ENTPD1: variants seen among roughly 807,000 people sequenced by gnomAD.
ENTPD1 encodes ectonucleoside triphosphate diphosphohydrolase 1, also known as ATP diphosphohydrolase.
Under a neutral mutation model 57.0 loss-of-function variants are expected in ENTPD1, and 33 were observed. The ratio of observed to expected loss-of-function variants is 0.58; its 90% CI spans 0.44 to 0.77. The LOEUF is 0.77. Ranked by LOEUF, ENTPD1 falls within the 30% of genes least tolerant of loss-of-function variation. ENTPD1 has a pLI of 0.00. For synonymous variants in ENTPD1, 202 were observed against 218.8 expected (o/e 0.92, Z 0.68); for missense variants, 501 against 603.4 (o/e 0.83, Z 1.78).
At chr10:95,748,834 AAGTTG>A (rs2098008804) in intron 1 of ENTPD1, among the ~76,000 whole-genome samples, 1 of 152,124 alleles carries the variant, frequency 6.6e-6, no homozygotes, top group African/African-American at 2.4e-5. Context: ...TTTGTTCAAG[AAGTTG>A]AGTTGTTTTA....
In ENTPD1 at chr10:95,871,169, T is replaced by C; in HGVS notation, c.*4786T>C. ...AACAGTGGGAGGAATGGCAAAGTCA[T>C]ATGGCCAAGGCCATGAGTGATTAAT... On this transcript the variant is annotated 3_prime_UTR_variant, in exon 10 of 10. Coordinates refer to ENST00000371205, the MANE Select transcript of ENTPD1 (RefSeq NM_001776.6). The C allele has an allele frequency of 1.0e-6, 1 of 985,452 alleles. No homozygotes were observed. Among genetic ancestry groups the C allele is most frequent in the Non-Finnish European group, 1.2e-6 (1 of 829,924 alleles). The allele number at this position is 985,452 out of a possible 1,614,324, so 61.0% of individuals were successfully genotyped here.
chr10:95,760,910 A>G (rs1407938624), intron 1 of ENTPD1, among the ~76,000 whole-genome samples: 2 of 135,390 alleles, frequency 1.5e-5, no homozygotes, highest in Admixed American at 8.9e-5. Context: ...GCTCACTGCA[A>G]GCTCCGCCTC....
intron 7 of ENTPD1, 41 bp from the exon 8 acceptor site, chr10:95,860,428 C>G (rs2098463423): frequency 6.4e-7 from 1 of 1,554,910 alleles, no homozygotes; most frequent in South Asian, 1.1e-5. Flanking sequence ...TGGCATCCCT[C>G]TGTGTGGAAC....
chr10:95,855,598 T>C (rs1366040893), intron 7 of ENTPD1, among the ~76,000 whole-genome samples: 1 of 152,198 alleles, frequency 6.6e-6, no homozygotes, highest in Non-Finnish European at 1.5e-5. Context: ...CCATGTTTAG[T>C]GCTTCCTTCA....
At chr10:95,858,607 T>C (rs1369288430) in intron 7 of ENTPD1, among the ~76,000 whole-genome samples, 4 of 151,708 alleles carry the variant, frequency 2.6e-5, no homozygotes, top group African/African-American at 4.9e-5. Flanking sequence ...AGGGCAGAAA[T>C]AGGACCATAC....
intron 1 of ENTPD1, among the ~76,000 whole-genome samples, chr10:95,775,328 T>G (rs532828840): frequency 6.6e-6 from 1 of 152,296 alleles, no homozygotes; most frequent in African/African-American, 2.4e-5. Context: ...TTTCTTTCTC[T>G]TGCCTGATTG....
chr10:95,785,575 T>C (rs1001677298), intron 1 of ENTPD1, among the ~76,000 whole-genome samples: 2 of 152,232 alleles, frequency 1.3e-5, no homozygotes, highest in Non-Finnish European at 2.9e-5. Context: ...AGAAACCATC[T>C]GTGGTAACTT....
At chr10:95,846,654 G>T (rs74847453) in intron 6 of ENTPD1, among the ~76,000 whole-genome samples, 4,068 of 152,208 alleles carry the variant, frequency 0.027, 78 homozygotes, top group South Asian at 0.08. Context: ...CTTATCCACA[G>T]CAGCCTCCTT....
At chr10:95,703,655 G>A in the ENTPD1 span, among the ~76,000 whole-genome samples, 2 of 151,890 alleles carry the variant, frequency 1.3e-5, no homozygotes, top group South Asian at 4.2e-4. Flanking sequence ...GGTGGCAGGC[G>A]CCTGTAATCC....
intron 2 of ENTPD1, chr10:95,833,690 C>G (rs1160112083): frequency 1.3e-5 from 2 of 152,558 alleles, no homozygotes; most frequent in South Asian, 1.9e-4. Context: ...ATATAAAGAA[C>G]AGAAATTACT....
intron 2 of ENTPD1, among the ~76,000 whole-genome samples, chr10:95,830,943 C>A (rs2098394742): frequency 6.6e-6 from 1 of 152,150 alleles, no homozygotes; most frequent in African/African-American, 2.4e-5. Flanking sequence ...CCCAAGATTC[C>A]TTTTGGCTGG....
intron 2 of ENTPD1, among the ~76,000 whole-genome samples, chr10:95,832,844 A>C (rs1262305520): frequency 6.6e-6 from 1 of 152,218 alleles, no homozygotes; most frequent in Non-Finnish European, 1.5e-5. Context: ...GAATAATACA[A>C]GTGACTTAAT....
chr10:95,780,791 C>T (rs1038961990), intron 1 of ENTPD1, among the ~76,000 whole-genome samples: 5 of 152,104 alleles, frequency 3.3e-5, no homozygotes, highest in African/African-American at 1.2e-4. Context: ...TGTCCAAGTC[C>T]TTGGTCAGGG....
At chr10:95,770,525 G>C (rs1454584321) in intron 1 of ENTPD1, among the ~76,000 whole-genome samples, 1 of 152,146 alleles carries the variant, frequency 6.6e-6, no homozygotes, top group South Asian at 2.1e-4. Context: ...TAACTTCCTG[G>C]TGCTGATGTC....
chr10:95,694,700 T>A, the ENTPD1 span, among the ~76,000 whole-genome samples: 1 of 152,026 alleles, frequency 6.6e-6, no homozygotes, highest in South Asian at 2.1e-4. Flanking sequence ...TAATGGCAAA[T>A]TTTTTAAGCC....
intron 7 of ENTPD1, among the ~76,000 whole-genome samples, chr10:95,852,837 T>C (rs918135423): frequency 6.6e-6 from 1 of 152,216 alleles, no homozygotes; most frequent in Non-Finnish European, 1.5e-5. Context: ...ACTGTAGCCT[T>C]GTAGTATAGT....
upstream of ENTPD1, among the ~76,000 whole-genome samples, chr10:95,751,861 G>T (rs1566103504): frequency 6.6e-6 from 1 of 152,206 alleles, no homozygotes; most frequent in African/African-American, 2.4e-5. Flanking sequence ...TATGGATCTG[G>T]TGCTCATGGG....
At chr10:95,837,705 T>C (rs1485852076) in intron 2 of ENTPD1, among the ~76,000 whole-genome samples, 1 of 152,280 alleles carries the variant, frequency 6.6e-6, no homozygotes, top group South Asian at 2.1e-4. Flanking sequence ...TGACACTCAA[T>C]AGGCTCTACT....
chr10:95,847,908 G>C (rs913900821), intron 7 of ENTPD1, among the ~76,000 whole-genome samples: 2 of 152,182 alleles, frequency 1.3e-5, no homozygotes, highest in Non-Finnish European at 2.9e-5. Flanking sequence ...TTTGTGCTAA[G>C]GTATGTTACT....
Sources: allele counts gnomAD v4.1 joint callset (sites outside exome capture counted in the v4.1 genomes callset), GRCh38; gene constraint gnomAD v4.1.1; transcripts MANE v1.5; gene names NCBI Gene and HGNC (gene_info 2026-07-23, HGNC 2026-07-21).